Variants in RBM19 observed in about 807,000 individuals in gnomAD.
RBM19 encodes probable RNA-binding protein 19.
Under a neutral mutation model 116.8 loss-of-function variants are expected in RBM19, and 94 were observed. The observed-to-expected ratio is 0.80, with a 90% CI of 0.68 to 0.95. RBM19 has a LOEUF of 0.95. Among genes scored for constraint, RBM19 ranks in the 40% least tolerant of loss-of-function variants. The pLI is 0.00. For missense variants in RBM19, 1,161 were observed against 1,220.7 expected, an observed-to-expected ratio of 0.95 and a Z score of 0.73; for synonymous variants, 475 against 494.1, an observed-to-expected ratio of 0.96 and a Z score of 0.51.
chr12:113,864,895 C>G (rs1032854419), intron 21 of RBM19, among the ~76,000 whole-genome samples: 1 of 152,080 alleles, frequency 6.6e-6, no homozygotes, highest in Non-Finnish European at 1.5e-5. Context: ...CATCGCCACT[C>G]CCACAGTGGG....
intron 10 of RBM19, 105 bp from the exon 11 acceptor site, chr12:113,947,569 T>C (rs1434888101): frequency 3.9e-6 from 5 of 1,280,434 alleles, no homozygotes; most frequent in Non-Finnish European, 5.3e-6. Flanking sequence ...GTCATGGGTG[T>C]CATTTCCCAG....
rs766739457 is a variant in RBM19 at position 113,844,695 on chromosome 12, G to A, written c.2758C>T (p.Arg920Trp). Residue 920 changes from arginine to tryptophan, a missense_variant, in exon 23 of 24, where the codon CGG becomes TGG. Arg to Trp is a moderately radical substitution (Grantham distance 101). Transcript: ENST00000261741. Reference protein sequence around the residue: ...ADSEVTLQALRRKTAAHFHEP... With the variant: ...ADSEVTLQALWRKTAAHFHEP... Reference sequence around the variant, plus strand: ...TGAAAGTGAGCGGCCGTCTTCCGCCGCAGGGCCTGCAGGGTCACCTCGGAG... The same window carrying A: ...TGAAAGTGAGCGGCCGTCTTCCGCCACAGGGCCTGCAGGGTCACCTCGGAG... 25 of 1,611,392 alleles carry A rather than the reference G, an allele frequency of 1.6e-5. No homozygotes were observed. The highest frequency in any genetic ancestry group is 1.6e-4 in the Middle Eastern group (1 of 6,064).
chr12:113,942,314 G>T lies in RBM19; in HGVS notation c.1737+10C>A. On this transcript the variant is annotated intron_variant, in intron 14 of 23. Coordinates refer to ENST00000261741, the MANE Select transcript of RBM19 (RefSeq NM_016196.4). ...GCTGCTGGCTGGCTGGCGCCACCGA[G>T]AACACCCACCTGGCTGAAGGAATCC... The T allele has an allele frequency of 6.2e-7, 1 of 1,600,280 alleles. No homozygotes were observed.
At position 113,955,228 on chromosome 12, in the gene RBM19, A is replaced by T. The variant is rs1350208772; in HGVS notation, c.841-17T>A. The T allele has an allele frequency of 6.2e-7, 1 of 1,611,872 alleles. No individual in the cohort carries two copies. The highest frequency in any genetic ancestry group is 1.7e-5 in the Admixed American group (1 of 60,012). Reference sequence around the variant, plus strand: ...TTTCTCTGTCTGAGTGATCACAAAAACAAACAGAAGTGGCCACACTAACCC... The same window carrying T: ...TTTCTCTGTCTGAGTGATCACAAAATCAAACAGAAGTGGCCACACTAACCC... On this transcript the variant is annotated splice_polypyrimidine_tract_variant and intron_variant, in intron 6 of 23. Coordinates refer to ENST00000261741, the MANE Select transcript of RBM19 (RefSeq NM_016196.4).
rs535894196 is a variant in RBM19, at chr12:113,862,735, G to A, written c.2559-3839C>T. Among the ~76,000 whole-genome samples, 95 of 152,228 alleles carry A rather than the reference G, an allele frequency of 6.2e-4. 1 individual carries two copies. Among genetic ancestry groups the A allele is most frequent in the African/African-American group, 2.2e-3 (91 of 41,552 alleles). ...CCTGAGCCCAACTCTGCCGCTCGGG[G>A]GGAAGGAGATGCACACCACACTCCC... On this transcript the variant is annotated intron_variant, in intron 21 of 23. Coordinates refer to ENST00000261741, the MANE Select transcript of RBM19 (RefSeq NM_016196.4).
At chr12:113,866,001 T>C (rs990113445) in intron 21 of RBM19, among the ~76,000 whole-genome samples, 1 of 152,226 alleles carries the variant, frequency 6.6e-6, no homozygotes, top group African/African-American at 2.4e-5. Flanking sequence ...TGGTTTGCCC[T>C]GCACTGAGAT....
At chr12:113,899,973 G>C (rs949485366) in intron 21 of RBM19, among the ~76,000 whole-genome samples, 8 of 152,130 alleles carry the variant, frequency 5.3e-5, no homozygotes, top group Non-Finnish European at 8.8e-5. Context: ...GTGAGCTGCC[G>C]CGGCTGCTTG....
intron 13 of RBM19, among the ~76,000 whole-genome samples, chr12:113,945,412 T>G (rs1005929110): frequency 3.9e-5 from 6 of 152,178 alleles, no homozygotes; most frequent in African/African-American, 1.4e-4. Flanking sequence ...CCAGACCTGG[T>G]GTCCTCCCAC....
intron 5 of RBM19, 48 bp from the exon 6 acceptor site, chr12:113,958,098 G>A: frequency 6.4e-7 from 1 of 1,555,280 alleles, no homozygotes; most frequent in African/African-American, 1.4e-5. Flanking sequence ...GAGCAAACCA[G>A]AGGTCAGAGG....
rs201669808 is a variant in RBM19 at position 113,942,306 on chromosome 12, G to A, written c.1737+18C>T. 1.3e-4 allele frequency: 200 copies of A among 1,585,270 alleles called. 1 individual carries two copies. The East Asian group carries it at 3.9e-3, about 31-fold the overall frequency. Reference sequence around the variant, plus strand: ...CTCCAGTGGCTGCTGGCTGGCTGGCGCCACCGAGAACACCCACCTGGCTGA... The same window carrying A: ...CTCCAGTGGCTGCTGGCTGGCTGGCACCACCGAGAACACCCACCTGGCTGA... On this transcript the variant is annotated intron_variant, in intron 14 of 23. Transcript: ENST00000261741.
At chr12:113,955,249 A>T (rs1221871081) in intron 6 of RBM19, 38 bp from the exon 7 acceptor site, 1 of 1,587,844 alleles carries the variant, frequency 6.3e-7, no homozygotes, top group Admixed American at 1.7e-5. Context: ...TGGCCACACT[A>T]ACCCTTCGTA....
At chr12:113,913,220 C>A (rs1353739517) in intron 21 of RBM19, among the ~76,000 whole-genome samples, 1 of 152,182 alleles carries the variant, frequency 6.6e-6, no homozygotes, top group African/African-American at 2.4e-5. Flanking sequence ...TCAACATGCG[C>A]TCTTCTTAGC....
intron 22 of RBM19, among the ~76,000 whole-genome samples, chr12:113,847,933 C>T (rs1877131725): frequency 1.3e-5 from 2 of 152,194 alleles, no homozygotes; most frequent in Non-Finnish European, 1.5e-5. Context: ...ATTGGCCTCT[C>T]TCTGGAAGAG....
chr12:113,870,789 C>T (rs775241356), intron 21 of RBM19, among the ~76,000 whole-genome samples: 4 of 152,134 alleles, frequency 2.6e-5, no homozygotes, highest in Admixed American at 1.3e-4. Context: ...CCACCAACAC[C>T]GGCTTCTGCT....
chr12:113,953,689 G>A (rs760959856), intron 7 of RBM19, among the ~76,000 whole-genome samples: 1 of 152,208 alleles, frequency 6.6e-6, no homozygotes, highest in Non-Finnish European at 1.5e-5. Flanking sequence ...AATGCTCCCA[G>A]AGGGCAACTG....
chr12:113,918,356 C>T (rs2135859774), intron 20 of RBM19, 36 bp downstream of exon 20: 2 of 1,612,582 alleles, frequency 1.2e-6, no homozygotes, highest in African/African-American at 2.7e-5. Context: ...GAAGCCCCAG[C>T]TCGTAGGAAA....
intron 19 of RBM19, among the ~76,000 whole-genome samples, chr12:113,919,251 A>G (rs1882964181): frequency 6.6e-6 from 1 of 152,214 alleles, no homozygotes; most frequent in African/African-American, 2.4e-5. Flanking sequence ...AGGATGCATC[A>G]TCTAATGCAA....
chr12:113,840,680 C>T (rs1198170264), intron 23 of RBM19, among the ~76,000 whole-genome samples: 1 of 152,176 alleles, frequency 6.6e-6, no homozygotes, highest in Non-Finnish European at 1.5e-5. Flanking sequence ...GCTGTTCTGT[C>T]CCCAGCCCCT....
chr12:113,838,734 T>C (rs905887731), intron 23 of RBM19, among the ~76,000 whole-genome samples: 1 of 152,180 alleles, frequency 6.6e-6, no homozygotes, highest in African/African-American at 2.4e-5. Flanking sequence ...ATTATTTAGC[T>C]TGAACTACAA....
Sources: gnomAD v4.1 joint callset for allele counts (sites outside exome capture counted in the v4.1 genomes callset) on GRCh38, gnomAD v4.1.1 for gene constraint, MANE v1.5 for transcripts, NCBI Gene and HGNC (gene_info 2026-07-23, HGNC 2026-07-21) for gene names.